The following CHLSN variants were observed in gnomAD, a reference collection of about 807,000 sequenced individuals.
CHLSN encodes the protein cholesin, also known as protein cholesin.
chr7:1,027,012 C>A, the CHLSN span: 1 of 152,248 alleles, frequency 6.6e-6, no homozygotes, highest in Non-Finnish European at 1.5e-5. Context: ...AGACACAGCA[C>A]CCGCCGTGCA....
the CHLSN span, chr7:1,028,320 T>C: frequency 2.9e-6 from 3 of 1,036,062 alleles, no homozygotes; most frequent in Non-Finnish European, 3.5e-6. Context: ...GCGCCCGCAG[T>C]GCGCACCGCC....
the CHLSN span, chr7:1,025,523 C>G: frequency 5.3e-5 from 8 of 152,358 alleles, no homozygotes; most frequent in Admixed American, 3.9e-4. Context: ...GACACTGGCT[C>G]AGGTGTCAGC....
the CHLSN span, among the ~76,000 whole-genome samples, chr7:1,069,619 G>A: frequency 7.5e-5 from 9 of 119,566 alleles, no homozygotes; most frequent in Admixed American, 2.4e-4. Flanking sequence ...CCGAGGTGCC[G>A]GGATTGCAGA....
At chr7:1,092,470 C>T in the CHLSN span, 26 of 1,607,770 alleles carry the variant, frequency 1.6e-5, no homozygotes, top group East Asian at 6.7e-5. Context: ...GCACCGGCAC[C>T]GTGGGCTGCG....
chr7:998,642 T>C, the CHLSN span, among the ~76,000 whole-genome samples: 3 of 152,110 alleles, frequency 2.0e-5, no homozygotes, highest in African/African-American at 7.2e-5. Context: ...ACGGGGTTTT[T>C]GCCATGTTGG....
the CHLSN span, among the ~76,000 whole-genome samples, chr7:1,020,588 T>C: frequency 6.6e-6 from 1 of 152,224 alleles, no homozygotes; most frequent in Non-Finnish European, 1.5e-5. Flanking sequence ...CAGGGACAGC[T>C]AGTCTCACAC....
At chr7:992,362 C>T in the CHLSN span, among the ~76,000 whole-genome samples, 3 of 152,244 alleles carry the variant, frequency 2.0e-5, no homozygotes, top group Admixed American at 2.0e-4. Flanking sequence ...CATCTGCAAA[C>T]CTCCCGCAGC....
At chr7:1,136,256 T>A in the CHLSN span, among the ~76,000 whole-genome samples, 1 of 116,988 alleles carries the variant, frequency 8.5e-6, no homozygotes, top group African/African-American at 3.5e-5. Flanking sequence ...TAAATATATA[T>A]AAACATATAT....
At chr7:1,102,822 A>T in the CHLSN span, among the ~76,000 whole-genome samples, 3 of 152,256 alleles carry the variant, frequency 2.0e-5, no homozygotes, top group Non-Finnish European at 4.4e-5. Flanking sequence ...GCACGGCGTC[A>T]GCAACATCAG....
chr7:1,091,890 G>A, the CHLSN span: 1 of 1,613,976 alleles, frequency 6.2e-7, no homozygotes, highest in African/African-American at 1.3e-5. Flanking sequence ...AGCACCAGCA[G>A]TACGTGATCG....
At chr7:1,121,784 G>A in the CHLSN span, among the ~76,000 whole-genome samples, 2 of 152,218 alleles carry the variant, frequency 1.3e-5, no homozygotes, top group African/African-American at 4.8e-5. Context: ...GAAGCCTTCT[G>A]TGGCCACTGC....
chr7:1,089,229 G>A, the CHLSN span, among the ~76,000 whole-genome samples: 2 of 152,140 alleles, frequency 1.3e-5, no homozygotes, highest in South Asian at 4.1e-4. Context: ...CTGTTCAATG[G>A]TATTATCTAC....
the CHLSN span, among the ~76,000 whole-genome samples, chr7:1,137,136 TG>T: frequency 6.6e-6 from 1 of 152,168 alleles, no homozygotes; most frequent in African/African-American, 2.4e-5. Context: ...CTCGCATCTC[TG>T]GGAACTCACC....
the CHLSN span, among the ~76,000 whole-genome samples, chr7:1,036,295 G>A: frequency 6.6e-6 from 1 of 151,944 alleles, no homozygotes; most frequent in Non-Finnish European, 1.5e-5. Context: ...TAGGGTTCGG[G>A]TGCTCGTGCT....
chr7:1,136,498 A>ATATG, the CHLSN span, among the ~76,000 whole-genome samples: 942 of 112,282 alleles, frequency 8.4e-3, 26 homozygotes, highest in Non-Finnish European at 0.01. Context: ...ATAAACATAT[A>ATATG]AATATATATA....
the CHLSN span, among the ~76,000 whole-genome samples, chr7:1,136,477 T>C: frequency 1.6e-5 from 2 of 121,564 alleles, no homozygotes; most frequent in South Asian, 2.4e-4. Context: ...TATATAAATA[T>C]ATAAACATAT....
the CHLSN span, among the ~76,000 whole-genome samples, chr7:1,032,992 C>CG: frequency 6.6e-6 from 1 of 152,188 alleles, no homozygotes; most frequent in Non-Finnish European, 1.5e-5. Flanking sequence ...TCTGTGCACT[C>CG]GCGGTGCGGA....
chr7:1,106,194 C>G, the CHLSN span, among the ~76,000 whole-genome samples: 1 of 152,226 alleles, frequency 6.6e-6, no homozygotes, highest in Non-Finnish European at 1.5e-5. Context: ...GAGCACTCAG[C>G]TGTCGGGCTC....
chr7:1,016,765 A>ACAG, the CHLSN span, among the ~76,000 whole-genome samples: 2 of 77,088 alleles, frequency 2.6e-5, no homozygotes, highest in Non-Finnish European at 2.4e-5. Flanking sequence ...ACGCCAGCGC[A>ACAG]CAGCGCACAG....
Sources: allele counts gnomAD v4.1 joint callset (sites outside exome capture counted in the v4.1 genomes callset), GRCh38; gene constraint gnomAD v4.1.1; transcripts MANE v1.5; gene names NCBI Gene and HGNC (gene_info 2026-07-23, HGNC 2026-07-21).